The following CCDC42 variants were observed in gnomAD, a reference collection of about 807,000 sequenced individuals.
The protein encoded by CCDC42 is coiled-coil domain-containing protein 42.
A neutral mutation model predicts 40.8 loss-of-function variants in CCDC42; 38 were observed. The ratio of observed to expected loss-of-function variants is 0.93; its 90% CI spans 0.72 to 1.22. CCDC42 has a LOEUF of 1.22. Ranked by LOEUF, CCDC42 falls within the 50% of genes most tolerant of loss-of-function variation. The pLI is 0.00. For missense variants in CCDC42, 379 were observed against 416.5 expected (o/e 0.91, Z 0.78); for synonymous variants, 135 against 157.5 (o/e 0.86, Z 1.07).
chr17:8,740,298 G>C lies in CCDC42; in HGVS notation c.492+1176C>G, dbSNP rs528256943. On this transcript the variant is annotated intron_variant, in intron 4 of 6. Coordinates refer to ENST00000293845, the MANE Select transcript of CCDC42 (RefSeq NM_144681.3). ...GAGGTCAGGAGTTCGAGACCAGCCT[G>C]ACCAACATGGTGAAACCCATCTCTA... Among the ~76,000 whole-genome samples the C allele has an allele frequency of 1.3e-4, 20 of 152,176 alleles. No individual in the cohort carries two copies. In the South Asian group the frequency reaches 3.9e-3, roughly 30 times the overall value.
chr17:8,731,845 C>A (rs569029581), intron 6 of CCDC42, among the ~76,000 whole-genome samples: 20 of 152,182 alleles, frequency 1.3e-4, no homozygotes, highest in Non-Finnish European at 2.6e-4. Flanking sequence ...TACAACGAAC[C>A]CTTGTGACAT....
At position 8,735,695 on chromosome 17, in the gene CCDC42, T is replaced by G; in HGVS notation, c.493-84A>C. 7 of 1,193,012 alleles carry G rather than the reference T, an allele frequency of 5.9e-6. No individual in the cohort carries two copies. Among genetic ancestry groups the G allele is most frequent in the Non-Finnish European group, 8.2e-6 (7 of 849,572 alleles). The allele number at this position is 1,193,012 out of a possible 1,614,324, so 73.9% of individuals were successfully genotyped here. A position where few individuals can be genotyped will look rare whatever the true frequency, so the allele number is the denominator to read the frequency against. ...CAGTCCTGCCAACCTCCAGCCTGGA[T>G]GCCTGGACACCTGGACACCTGGGCA... On this transcript the variant is annotated intron_variant, in intron 4 of 6. Coordinates refer to ENST00000293845, the MANE Select transcript of CCDC42 (RefSeq NM_144681.3). This position sits in a 1 kb window ranked among gnomAD's most constrained non-coding sequence, Gnocchi z 4.7.
At chr17:8,734,846 G>A (rs1321793370) in intron 6 of CCDC42, among the ~76,000 whole-genome samples, 1 of 152,144 alleles carries the variant, frequency 6.6e-6, no homozygotes, top group East Asian at 1.9e-4. Flanking sequence ...TATGGAACCC[G>A]AACCAGCAGC....
chr17:8,731,605 A>G (rs1303631991), intron 6 of CCDC42, among the ~76,000 whole-genome samples: 1 of 152,366 alleles, frequency 6.6e-6, no homozygotes, highest in Admixed American at 6.5e-5. Context: ...TTGCAGGCAC[A>G]TGGATGGAGG....
intron 6 of CCDC42, among the ~76,000 whole-genome samples, chr17:8,733,566 C>G (rs1307312317): frequency 6.6e-6 from 1 of 152,240 alleles, no homozygotes; most frequent in African/African-American, 2.4e-5. Flanking sequence ...TCTTGGCTCA[C>G]TACAACCTCC....
rs757339019 is a variant in CCDC42, at chr17:8,735,063, C to T, written c.873+33G>A. 1 of 1,611,440 alleles carries T rather than the reference C, an allele frequency of 6.2e-7. No homozygotes were observed. Among genetic ancestry groups the T allele is most frequent in the Non-Finnish European group, 8.5e-7 (1 of 1,178,118 alleles). On this transcript the variant is annotated intron_variant, in intron 6 of 6. Coordinates refer to ENST00000293845, the MANE Select transcript of CCDC42 (RefSeq NM_144681.3). The surrounding 1 kb of genome is among the most constrained non-coding windows in gnomAD (Gnocchi z 4.7). ...TGGCAACCTCCTCGGCCCAGCCGAC[C>T]CCACGGGCCCAGTGCCTGTCCCCTC...
intron 6 of CCDC42, 34 bp from the exon 7 acceptor site, chr17:8,730,241 C>T (rs757860425): frequency 1.3e-6 from 2 of 1,519,046 alleles, no homozygotes; most frequent in East Asian, 4.5e-5. Context: ...TTAACTCCGC[C>T]CCCCAGAGGC....
In CCDC42 at chr17:8,730,312, T is replaced by G. The variant is rs2086572505; in HGVS notation, c.874-105A>C. 3 of 681,462 alleles carry G rather than the reference T, an allele frequency of 4.4e-6. No individual in the cohort carries two copies. In the African/African-American group the frequency reaches 5.5e-5, roughly 12 times the overall value. The allele number at this position is 681,462 out of a possible 1,614,324, so 42.2% of individuals were successfully genotyped here. A position where few individuals can be genotyped will look rare whatever the true frequency, so the allele number is the denominator to read the frequency against. On this transcript the variant is annotated intron_variant, in intron 6 of 6. Coordinates refer to ENST00000293845, the MANE Select transcript of CCDC42 (RefSeq NM_144681.3). ...ACTTGTAAAGAATTCATCATTGCTT[T>G]CCTGTGACTGACTTCTTTTTAAATT... is the stretch of plus-strand genomic sequence containing the variant.
rs1280818894 is a variant in CCDC42, at chr17:8,730,022, G to A, written c.*108C>T. 11 of 909,884 alleles carry A rather than the reference G, an allele frequency of 1.2e-5. No individual in the cohort carries two copies. Among genetic ancestry groups the A allele is most frequent in the Admixed American group, 2.0e-5 (1 of 51,076 alleles). The allele number at this position is 909,884 out of a possible 1,614,324, so 56.4% of individuals were successfully genotyped here. ...GAAAATAAGCAGGTGTCCCTCAGCAGGAAGGCACAGCAGGCATCGGTCCCG... is the reference window on the plus strand; with the variant it reads ...GAAAATAAGCAGGTGTCCCTCAGCAAGAAGGCACAGCAGGCATCGGTCCCG... On this transcript the variant is annotated 3_prime_UTR_variant, in exon 7 of 7. Coordinates refer to ENST00000293845, the MANE Select transcript of CCDC42 (RefSeq NM_144681.3).
At chr17:8,740,712 G>A (rs574868128) in intron 4 of CCDC42, among the ~76,000 whole-genome samples, 2 of 152,232 alleles carry the variant, frequency 1.3e-5, no homozygotes, top group Admixed American at 6.5e-5. Context: ...GTGGAACCAA[G>A]AAGTTCCCTG....
At chr17:8,741,789 A>G in intron 3 of CCDC42, 118 bp from the exon 4 acceptor site, 1 of 986,810 alleles carries the variant, frequency 1.0e-6, no homozygotes, top group Non-Finnish European at 1.5e-6. Context: ...CATCCTGGCA[A>G]CAGGCAGAGA....
intron 3 of CCDC42, among the ~76,000 whole-genome samples, chr17:8,742,200 G>A (rs2086649913): frequency 6.6e-6 from 1 of 152,112 alleles, no homozygotes; most frequent in African/African-American, 2.4e-5. Context: ...GCTGGGAGGC[G>A]AGAATTTTCT....
Position 8,729,939 on chromosome 17 carries a change from T to C in CCDC42, c.*191A>G. 1.7e-6 allele frequency: 1 copy of C among 574,770 alleles called. No homozygotes were observed. The highest frequency in any genetic ancestry group is 3.1e-6 in the Non-Finnish European group (1 of 322,130). 35.6% of individuals were successfully genotyped at this position (574,770 alleles called of 1,614,324 possible). ...AACTACCAAAGGGCTAGAGAGAACT[T>C]GAGAACAAACTTCATATAACATTCA... On this transcript the variant is annotated 3_prime_UTR_variant, in exon 7 of 7. Transcript: ENST00000293845.
chr17:8,734,387 G>T (rs1277575385), intron 6 of CCDC42, among the ~76,000 whole-genome samples: 2 of 152,030 alleles, frequency 1.3e-5, no homozygotes, highest in East Asian at 3.8e-4. Context: ...CCTCCTTTGG[G>T]CTATAAAATA....
At chr17:8,744,500 T>C (rs200114678) in intron 1 of CCDC42, 27 bp downstream of exon 1, 2 of 1,579,696 alleles carry the variant, frequency 1.3e-6, no homozygotes, top group African/African-American at 2.7e-5. Flanking sequence ...CACAGAGGGG[T>C]GGGCAAGCCA....
chr17:8,734,378 C>G (rs778999873), intron 6 of CCDC42, among the ~76,000 whole-genome samples: 61 of 152,292 alleles, frequency 4.0e-4, no homozygotes, highest in Non-Finnish European at 6.6e-4. Context: ...TACAAACGCC[C>G]TCCTTTGGGC....
intron 4 of CCDC42, among the ~76,000 whole-genome samples, chr17:8,737,933 A>C (rs2086621312): frequency 6.6e-6 from 1 of 152,202 alleles, no homozygotes. Flanking sequence ...CTCCTGCCTC[A>C]GCCTCCCAAG....
intron 3 of CCDC42, among the ~76,000 whole-genome samples, chr17:8,742,457 TCA>T (rs1448573134): frequency 6.6e-6 from 1 of 152,170 alleles, no homozygotes; most frequent in African/African-American, 2.4e-5. Flanking sequence ...AGAACGAGGC[TCA>T]GTTACCGCAA....
At position 8,743,739 on chromosome 17, in the gene CCDC42, TG is replaced by T; in HGVS notation, c.190-10del. 4.1e-6 allele frequency: 6 copies of T among 1,449,180 alleles called. No homozygotes were observed. The highest frequency in any genetic ancestry group is 5.8e-6 in the Non-Finnish European group (6 of 1,040,568). 89.8% of individuals were successfully genotyped at this position (1,449,180 alleles called of 1,614,324 possible). On this transcript the variant is annotated splice_polypyrimidine_tract_variant and intron_variant, in intron 2 of 6. Coordinates refer to ENST00000293845, the MANE Select transcript of CCDC42 (RefSeq NM_144681.3). ...ATTCTGCGCTGAAACATCTTTGGGG[TG>T]GGGGTGGGAGAGCAGAGAGGTCAGG...
Sources: allele counts gnomAD v4.1 joint callset (sites outside exome capture counted in the v4.1 genomes callset), GRCh38; gene constraint gnomAD v4.1.1; non-coding constraint Gnocchi (gnomAD v3.1); transcripts MANE v1.5; gene names NCBI Gene and HGNC (gene_info 2026-07-23, HGNC 2026-07-21).